Variants in NELFA observed in about 807,000 individuals in gnomAD.
NELFA encodes negative elongation factor A.
Under a neutral mutation model 51.8 loss-of-function variants are expected in NELFA, and 35 were observed. The ratio of observed to expected loss-of-function variants is 0.68; its 90% CI spans 0.52 to 0.90. NELFA has a LOEUF of 0.90. Ranked by LOEUF, NELFA falls within the 40% of genes least tolerant of loss-of-function variation. The pLI is 0.00. For missense variants in NELFA, 658 were observed against 746.4 expected (o/e 0.88, Z 1.38); for synonymous variants, 417 against 338.4 (o/e 1.23, Z -2.55).
intron 2 of NELFA, 51 bp downstream of exon 2, chr4:1,991,493 A>G (rs1277888217): frequency 1.3e-6 from 2 of 1,579,586 alleles, no homozygotes; most frequent in Admixed American, 1.9e-5. Context: ...AAATTTTTCA[A>G]GAAAGATCCA....
chr4:2,003,587 A>G (rs1443252237), intron 1 of NELFA, among the ~76,000 whole-genome samples: 2 of 152,218 alleles, frequency 1.3e-5, no homozygotes, highest in East Asian at 3.8e-4. Flanking sequence ...AGGGACATGG[A>G]TGAAGCTGGA....
intron 1 of NELFA, chr4:1,992,362 G>C (rs1364925317): frequency 3.4e-6 from 1 of 293,260 alleles, no homozygotes; most frequent in African/African-American, 2.3e-5. Context: ...CATGGGCGAC[G>C]TGCGTGGAGG....
At position 1,986,005 on chromosome 4, in the gene NELFA, A is replaced by G. The variant is rs963104132; in HGVS notation, c.835+109T>C. 1.4e-5 allele frequency: 19 copies of G among 1,379,962 alleles called. No homozygotes were observed. The South Asian group carries it at 2.0e-4, about 15-fold the overall frequency. The allele number at this position is 1,379,962 out of a possible 1,614,324, so 85.5% of individuals were successfully genotyped here. A position where few individuals can be genotyped will look rare whatever the true frequency, so the allele number is the denominator to read the frequency against. ...AAGCAGGCACCCACCCACGGAGAGC[A>G]GCCTCACGGGGCACAGCCCTGCCCG... On this transcript the variant is annotated intron_variant, in intron 6 of 10. Transcript: ENST00000382882.
chr4:2,005,908 A>T (rs1260582998), intron 1 of NELFA, among the ~76,000 whole-genome samples: 1 of 152,178 alleles, frequency 6.6e-6, no homozygotes, highest in African/African-American at 2.4e-5. Context: ...ATGCAATATA[A>T]AGAGGACAGC....
intron 1 of NELFA, among the ~76,000 whole-genome samples, chr4:1,992,808 G>C (rs1728311696): frequency 6.6e-6 from 1 of 152,188 alleles, no homozygotes; most frequent in Admixed American, 6.5e-5. Context: ...CAGAGGTCGT[G>C]CCAGGGGAGC....
rs138318138 is a variant in NELFA, at chr4:1,996,919, G to A, written c.211-5204C>T. Among the ~76,000 whole-genome samples the A allele has an allele frequency of 3.9e-5, 6 of 152,018 alleles. No homozygotes were observed. The East Asian group carries it at 9.7e-4, about 25-fold the overall frequency. On this transcript the variant is annotated intron_variant, in intron 1 of 10. Coordinates refer to ENST00000382882, the MANE Select transcript of NELFA (RefSeq NM_005663.5). ...TGCACTCCAGCCTCGATGACAGAAGGGTATTTGAGACACTCTCTCTACAAA... is the reference window on the plus strand; with the variant it reads ...TGCACTCCAGCCTCGATGACAGAAGAGTATTTGAGACACTCTCTCTACAAA...
In NELFA at chr4:1,984,829, G is replaced by C; in HGVS notation, c.1015C>G (p.Pro339Ala). Residue 339 changes from proline (P) to alanine (A), a missense_variant, in exon 8 of 11, where the codon CCC becomes GCC. Physicochemically the swap from Pro to Ala is conservative, Grantham distance 27. Around this residue, in one of 3 missense-constraint regions of NELFA, gnomAD observed 200 missense variants for 167.9 expected, o/e 1.19. Coordinates refer to ENST00000382882, the MANE Select transcript of NELFA (RefSeq NM_005663.5). ...PSVVPASSYI[P>A]SSETPPAPSS... is the part of the protein sequence containing the mutation. ...TCACCTGGGGGCGTCTCGGAGCTGG[G>C]GATGTAGGAGGAGGCGGGAACCACG... 2 of 1,568,552 alleles carry C rather than the reference G, an allele frequency of 1.3e-6. No homozygotes were observed. The highest frequency in any genetic ancestry group is 1.7e-6 in the Non-Finnish European group (2 of 1,156,044).
At chr4:1,986,716 G>A (rs1405815948) in intron 4 of NELFA, among the ~76,000 whole-genome samples, 2 of 152,322 alleles carry the variant, frequency 1.3e-5, no homozygotes, top group African/African-American at 2.4e-5. Context: ...TGCCTCCACC[G>A]GCAGGGGCAT....
Position 1,984,851 on chromosome 4 carries a change from C to G in NELFA, c.993G>C (p.Val331=), listed in dbSNP as rs1728032662. ...STSYLPSTPS[V]VPASSYIPSS... ...TGGGGATGTAGGAGGAGGCGGGAACCACGCTGGGCGTGGAGGGAAGGTAGC... is the reference window on the plus strand; with the variant it reads ...TGGGGATGTAGGAGGAGGCGGGAACGACGCTGGGCGTGGAGGGAAGGTAGC... Residue 331 remains valine (V), a synonymous_variant, in exon 8 of 11, where the codon GTG becomes GTC. Coordinates refer to ENST00000382882, the MANE Select transcript of NELFA (RefSeq NM_005663.5). The G allele has an allele frequency of 6.3e-7, 1 of 1,576,900 alleles. No homozygotes were observed. Among genetic ancestry groups the G allele is most frequent in the South Asian group, 1.2e-5 (1 of 85,488 alleles).
rs141590096 is a variant in NELFA, at chr4:1,983,605, C to T, written c.1393G>A (p.Gly465Ser). ...TGCCTTATGAACATACCTCGGGAGCCGGCCATGAAGCCCAGGATGAGGGCC... is the reference window on the plus strand; with the variant it reads ...TGCCTTATGAACATACCTCGGGAGCTGGCCATGAAGCCCAGGATGAGGGCC... ...EKALILGFMAGSRENPCQEQG... is the reference protein window; with the variant it reads ...EKALILGFMASSRENPCQEQG... Residue 465 changes from glycine (G) to serine (S), a missense_variant, in exon 10 of 11, where the codon GGC becomes AGC. Gly to Ser is a moderately conservative substitution (Grantham distance 56, BLOSUM62 0). Transcript: ENST00000382882. 2.5e-6 allele frequency: 4 copies of T among 1,614,036 alleles called. No individual in the cohort carries two copies. Among genetic ancestry groups the T allele is most frequent in the Non-Finnish European group, 3.4e-6 (4 of 1,179,986 alleles).
intron 1 of NELFA, among the ~76,000 whole-genome samples, chr4:1,996,023 C>T (rs1728413340): frequency 1.3e-5 from 2 of 151,986 alleles, no homozygotes; most frequent in African/African-American, 4.8e-5. Context: ...TAGATTTGTA[C>T]AACATGATTA....
rs114154625 is a variant in NELFA, at chr4:2,004,336, C to A, written c.210+4414G>T. 2.2e-3 allele frequency among the ~76,000 whole-genome samples: 333 copies of A among 152,018 alleles called. 2 individuals are homozygous for A. Among genetic ancestry groups the A allele is most frequent in the Non-Finnish European group, 3.5e-3 (237 of 67,978 alleles). On this transcript the variant is annotated intron_variant, in intron 1 of 10. Coordinates refer to ENST00000382882, the MANE Select transcript of NELFA (RefSeq NM_005663.5). The stretch of plus-strand genomic sequence containing the variant: ...AGGAGTGGGGAGGAAGAGGACTGGG[C>A]AAATGCTAATGAGTGTAGGATTTAT...
rs536486209 is a variant in NELFA at position 1,982,735 on chromosome 4, A to C, written c.*584T>G. ...CAGCTATGGTGGCTTTCTTTAGAAA[A>C]GCTCGACTTTAATGGTTCAGATAGT... On this transcript the variant is annotated 3_prime_UTR_variant, in exon 11 of 11. Transcript: ENST00000382882. 2 of 152,582 alleles carry C rather than the reference A, an allele frequency of 1.3e-5. No individual in the cohort carries two copies. The highest frequency in any genetic ancestry group is 4.8e-5 in the African/African-American group (2 of 41,574). The allele number at this position is 152,582 out of a possible 1,614,324, so 9.5% of individuals were successfully genotyped here.
chr4:1,997,946 T>C (rs1435520489), intron 1 of NELFA, among the ~76,000 whole-genome samples: 6 of 152,194 alleles, frequency 3.9e-5, no homozygotes, highest in African/African-American at 1.4e-4. Flanking sequence ...ATCTTTGCTG[T>C]TCTGCAGCCT....
intron 1 of NELFA, among the ~76,000 whole-genome samples, chr4:2,005,660 C>T (rs1357707342): frequency 6.6e-6 from 1 of 152,116 alleles, no homozygotes; most frequent in Non-Finnish European, 1.5e-5. Flanking sequence ...CCACTGCTCT[C>T]CAGCCTGGGT....
chr4:1,986,553 C>T (rs946983863), intron 4 of NELFA, 151 bp from the exon 5 acceptor site: 36 of 1,286,740 alleles, frequency 2.8e-5, no homozygotes, highest in South Asian at 5.7e-5. Context: ...CCCAGGATCC[C>T]GGACCTCAAG....
chr4:1,985,688 T>C, intron 7 of NELFA, 88 bp downstream of exon 7: 1 of 942,944 alleles, frequency 1.1e-6, no homozygotes, highest in Non-Finnish European at 1.7e-6. Flanking sequence ...ATATATATAT[T>C]CTCCGACAGA....
chr4:1,987,541 G>A (rs903925504), intron 4 of NELFA: 7 of 201,676 alleles, frequency 3.5e-5, no homozygotes, highest in Admixed American at 1.8e-4. Flanking sequence ...ACTTGGGGCC[G>A]AAAGCCCGAG....
intron 1 of NELFA, among the ~76,000 whole-genome samples, chr4:1,994,595 C>T (rs1408900469): frequency 2.7e-5 from 4 of 150,672 alleles, no homozygotes; most frequent in African/African-American, 9.8e-5. Context: ...GTGGCTCACA[C>T]CTGTAATCCT....
Sources: allele counts gnomAD v4.1 joint callset (sites outside exome capture counted in the v4.1 genomes callset), GRCh38; gene constraint gnomAD v4.1.1; regional missense constraint gnomAD v4.1.1; transcripts MANE v1.5; gene names NCBI Gene and HGNC (gene_info 2026-07-23, HGNC 2026-07-21).